The following WDR41 variants were observed in gnomAD, a reference collection of about 807,000 sequenced individuals.
WDR41 encodes WD repeat domain 41.
WDR41 carries 63 observed loss-of-function variants against 69.3 expected under a neutral mutation model. That is an observed-to-expected ratio of 0.91 (90% confidence interval 0.74 to 1.12). The LOEUF (loss-of-function observed/expected upper bound fraction) is 1.12, where lower values mean the gene tolerates loss of function less well. WDR41 is among the 50% of genes most tolerant of loss of function. The pLI, the probability that WDR41 is intolerant of heterozygous loss-of-function variation, is 0.00. For missense variants in WDR41, 543 were observed against 534.5 expected, an observed-to-expected ratio of 1.02 and a Z score of -0.16; for synonymous variants, 185 against 192.1, an observed-to-expected ratio of 0.96 and a Z score of 0.31.
At chr5:77,442,933 A>G (rs951253975) in intron 8 of WDR41, among the ~76,000 whole-genome samples, 1 of 112,306 alleles carries the variant, frequency 8.9e-6, no homozygotes, top group African/African-American at 3.9e-5. Flanking sequence ...TCCATTTTAC[A>G]TATTATTTAT....
intron 1 of WDR41, among the ~76,000 whole-genome samples, chr5:77,615,318 G>A (rs573025328): frequency 2.0e-5 from 3 of 152,182 alleles, no homozygotes; most frequent in South Asian, 4.1e-4. Context: ...TTTATTGGGT[G>A]CAAATGGCAT....
chr5:77,547,169 T>G (rs1743214225), intron 1 of WDR41, among the ~76,000 whole-genome samples: 1 of 152,030 alleles, frequency 6.6e-6, no homozygotes, highest in Non-Finnish European at 1.5e-5. Flanking sequence ...AAAATAATAC[T>G]GAATGGGGAA....
At chr5:77,501,544 T>C (rs1215572700) in intron 1 of WDR41, among the ~76,000 whole-genome samples, 1 of 152,230 alleles carries the variant, frequency 6.6e-6, no homozygotes, top group Admixed American at 6.5e-5. Flanking sequence ...GCACAGCGTT[T>C]GAGCTCTGAG....
chr5:77,516,072 T>C (rs1802287618), intron 1 of WDR41, among the ~76,000 whole-genome samples: 1 of 152,220 alleles, frequency 6.6e-6, no homozygotes, highest in Non-Finnish European at 1.5e-5. Context: ...TTATGGCTCT[T>C]GGTACGTAGT....
upstream of WDR41, among the ~76,000 whole-genome samples, chr5:77,492,897 A>G (rs1312046841): frequency 6.6e-6 from 1 of 152,240 alleles, no homozygotes. Context: ...CTGAATGATT[A>G]GGTAATTTGT....
At chr5:77,438,634 T>TTTC (rs1799038945) in intron 9 of WDR41, among the ~76,000 whole-genome samples, 1 of 152,190 alleles carries the variant, frequency 6.6e-6, no homozygotes, top group Admixed American at 6.5e-5. Flanking sequence ...CACTGAAATA[T>TTTC]ATCTAGAGAA....
chr5:77,556,400 C>T (rs1018177658), intron 1 of WDR41, among the ~76,000 whole-genome samples: 2 of 150,290 alleles, frequency 1.3e-5, no homozygotes, highest in South Asian at 2.1e-4. Context: ...CCGTTGCACC[C>T]GACTGACTGA....
chr5:77,620,140 C>T (rs1231439980), intron 1 of WDR41, among the ~76,000 whole-genome samples: 1 of 152,114 alleles, frequency 6.6e-6, no homozygotes, highest in Non-Finnish European at 1.5e-5. Context: ...CTTGAGCATT[C>T]CCAAACAATT....
intron 2 of WDR41, among the ~76,000 whole-genome samples, chr5:77,465,667 A>C (rs1389805599): frequency 6.6e-6 from 1 of 151,734 alleles, no homozygotes; most frequent in Non-Finnish European, 1.5e-5. Context: ...ATTTTTAATG[A>C]CTCAGAATCA....
At chr5:77,438,792 A>C (rs1799043600) in intron 9 of WDR41, among the ~76,000 whole-genome samples, 1 of 152,102 alleles carries the variant, frequency 6.6e-6, no homozygotes, top group Admixed American at 6.6e-5. Context: ...CCACATCTTA[A>C]GCAATCAGGA....
At chr5:77,451,524 G>A in intron 6 of WDR41, 171 bp from the exon 7 acceptor site, 1 of 608,086 alleles carries the variant, frequency 1.6e-6, no homozygotes, top group Non-Finnish European at 2.9e-6. Context: ...ATTGTTAAAT[G>A]TAGGTTTCTG....
At chr5:77,553,140 G>A (rs1743327540) in intron 1 of WDR41, among the ~76,000 whole-genome samples, 1 of 152,202 alleles carries the variant, frequency 6.6e-6, no homozygotes, top group South Asian at 2.1e-4. Flanking sequence ...CAAGTCATAT[G>A]CCTTAGTCCT....
chr5:77,575,127 T>C (rs1346499275), intron 1 of WDR41, among the ~76,000 whole-genome samples: 1 of 152,202 alleles, frequency 6.6e-6, no homozygotes, highest in East Asian at 1.9e-4. Flanking sequence ...TTATTTATAA[T>C]GTATTAGAAA....
In WDR41 at chr5:77,459,115, C is replaced by T. The variant is rs1799942595; in HGVS notation, c.358G>A (p.Gly120Ser). The change falls in exon 5 of 13, where the codon GGT becomes AGT. Residue 120 changes from glycine (G) to serine (S), a missense_variant. Physicochemically the swap from Gly to Ser is moderately conservative, Grantham distance 56. Transcript: ENST00000296679. The part of the protein sequence containing the change: ...SADRTVIVWD[G>S]DTTRQVQRIS... ...CTCTGAACTTGTCTGGTAGTATCAC[C>T]ATCCCACACCTAAATTTATGTTAAG... is the stretch of plus-strand genomic sequence containing the variant. 3.1e-6 allele frequency: 5 copies of T among 1,593,912 alleles called. No homozygotes were observed. Among genetic ancestry groups the T allele is most frequent in the Middle Eastern group, 3.3e-4 (2 of 6,024 alleles).
chr5:77,466,862 AC>A (rs1172114437), intron 2 of WDR41, among the ~76,000 whole-genome samples: 1 of 151,426 alleles, frequency 6.6e-6, no homozygotes, highest in Non-Finnish European at 1.5e-5. Context: ...TAAAGAGGAA[AC>A]ATTAAGCTTT....
intron 1 of WDR41, among the ~76,000 whole-genome samples, chr5:77,584,518 A>T (rs2112296711): frequency 6.6e-6 from 1 of 152,332 alleles, no homozygotes; most frequent in East Asian, 1.9e-4. Flanking sequence ...GAAGTAAATA[A>T]TTTTAAGAAG....
intron 2 of WDR41, among the ~76,000 whole-genome samples, chr5:77,488,552 A>G (rs1801622950): frequency 1.2e-5 from 1 of 85,314 alleles, no homozygotes; most frequent in Non-Finnish European, 3.3e-5. Flanking sequence ...CCATGGAGTG[A>G]AAAAAAACAG....
In WDR41 at chr5:77,489,492, A is replaced by AT. The variant is rs760242800; in HGVS notation, c.131dup (p.Asp44GlufsTer11). The AT allele has an allele frequency of 6.2e-7, 1 of 1,609,676 alleles. No individual in the cohort carries two copies. The highest frequency in any genetic ancestry group is 1.1e-5 in the South Asian group (1 of 90,332). On this transcript the variant is annotated frameshift_variant, in exon 2 of 13. Transcript: ENST00000296679. LOFTEE classifies it high-confidence loss of function. The stretch of plus-strand genomic sequence containing the variant: ...CTAACTGTACCAGAAATCGTACAAT[A>AT]TCATGATGAGCCTTCAGTACTAGCA...
intron 1 of WDR41, among the ~76,000 whole-genome samples, chr5:77,579,586 T>C (rs1429161412): frequency 6.6e-6 from 1 of 152,140 alleles, no homozygotes; most frequent in Non-Finnish European, 1.5e-5. Flanking sequence ...AAGCTATCTT[T>C]CAAAAAAGAA....
Sources: allele counts gnomAD v4.1 joint callset (sites outside exome capture counted in the v4.1 genomes callset), GRCh38; gene constraint gnomAD v4.1.1; transcripts MANE v1.5; gene names NCBI Gene and HGNC (gene_info 2026-07-23, HGNC 2026-07-21).